The following USH2A variants were observed in gnomAD, a reference collection of about 807,000 sequenced individuals.
The protein encoded by USH2A is Usher syndrome 2A (autosomal recessive, mild).
In USH2A, 443 loss-of-function variants were observed where a neutral mutation model predicts 538.9. That is an observed-to-expected ratio of 0.82 (90% confidence interval 0.76 to 0.89). USH2A has a LOEUF of 0.89. USH2A is among the 40% of genes least tolerant of loss of function. USH2A has a pLI of 0.00. For missense variants in USH2A, 6,633 were observed against 6,324.8 expected, an observed-to-expected ratio of 1.05 and a Z score of -1.65; for synonymous variants, 2,413 against 2,273.5, an observed-to-expected ratio of 1.06 and a Z score of -1.75.
intron 19 of USH2A, among the ~76,000 whole-genome samples, chr1:216,193,072 A>T (rs1411801491): frequency 6.6e-6 from 1 of 152,072 alleles, no homozygotes; most frequent in Non-Finnish European, 1.5e-5. Flanking sequence ...TTCTCACCTT[A>T]TTTTTTTCTT....
rs184894348 is a variant in USH2A at position 215,844,719 on chromosome 1, T to C, written c.9056-223A>G. On this transcript the variant is annotated intron_variant, in intron 45 of 71. Coordinates refer to ENST00000307340, the MANE Select transcript of USH2A (RefSeq NM_206933.4). ...AAAATGCTTTATACCACCAGCATAG[T>C]GCTAATCTTCAATACTATGTGACCA... Among the ~76,000 whole-genome samples the C allele has an allele frequency of 4.6e-5, 7 of 152,300 alleles. No homozygotes were observed. In the East Asian group the frequency reaches 1.4e-3, roughly 29 times the overall value.
At chr1:215,965,608 A>G (rs1667322716) in intron 36 of USH2A, 129 bp from the exon 37 acceptor site, 1 of 1,051,428 alleles carries the variant, frequency 9.5e-7, no homozygotes, top group East Asian at 2.6e-5. Context: ...TCTTGTATGA[A>G]TACCTCATTT....
At chr1:215,934,513 G>C in intron 38 of USH2A, 103 bp downstream of exon 38, 1 of 1,234,892 alleles carries the variant, frequency 8.1e-7, no homozygotes, top group Admixed American at 2.1e-5. Context: ...GAGCCTCTAA[G>C]TTCTAAAATA....
intron 55 of USH2A, among the ~76,000 whole-genome samples, chr1:215,778,072 G>A (rs1435972053): frequency 7.0e-6 from 1 of 142,674 alleles, no homozygotes; most frequent in Non-Finnish European, 1.5e-5. Context: ...TTTTTTTTGA[G>A]ACAGAGTCTC....
At chr1:215,644,106 G>A in intron 67 of USH2A, among the ~76,000 whole-genome samples, 1 of 152,202 alleles carries the variant, frequency 6.6e-6, no homozygotes, top group East Asian at 1.9e-4. Flanking sequence ...GACAAAAAAT[G>A]CTGATTGAGC....
chr1:215,837,852 A>G, intron 47 of USH2A, 139 bp downstream of exon 47: 4 of 736,664 alleles, frequency 5.4e-6, no homozygotes, highest in African/African-American at 1.7e-5. Flanking sequence ...CTGTGAAATA[A>G]TATCAAAAAT....
At chr1:216,007,927 G>C (rs1008694580) in intron 32 of USH2A, among the ~76,000 whole-genome samples, 1 of 152,220 alleles carries the variant, frequency 6.6e-6, no homozygotes, top group African/African-American at 2.4e-5. Flanking sequence ...CACAGAGATA[G>C]AGACATACAT....
At chr1:215,896,499 A>G (rs1240658752) in intron 40 of USH2A, among the ~76,000 whole-genome samples, 4 of 152,196 alleles carry the variant, frequency 2.6e-5, no homozygotes, top group Non-Finnish European at 5.9e-5. Flanking sequence ...GGAATCCACA[A>G]TTTTAAGAAA....
chr1:216,089,048 G>A lies in USH2A; in HGVS notation c.4850C>T (p.Ala1617Val), dbSNP rs868179223. The change falls in exon 23 of 72, where the codon GCT becomes GTT. Residue 1617 changes from alanine (A) to valine (V), a missense_variant. Transcript: ENST00000307340. The stretch of plus-strand genomic sequence containing the variant: ...CCCATCCAGAGTGATTTGGCCAAAA[G>A]CCTGATGCCTAATAGCAATTATTTC... Reference protein sequence around the residue: ...WHEIIAIRHQAFGQITLDGIY... With the variant: ...WHEIIAIRHQVFGQITLDGIY... 12 of 1,613,344 alleles carry A rather than the reference G, an allele frequency of 7.4e-6. No homozygotes were observed. The African/African-American group carries it at 1.6e-4, about 22-fold the overall frequency.
chr1:215,804,315 A>T (rs936544359), intron 49 of USH2A, among the ~76,000 whole-genome samples: 29 of 152,162 alleles, frequency 1.9e-4, no homozygotes, highest in East Asian at 1.2e-3. Context: ...GCTTCTGCAC[A>T]GCAAAAAAAA....
At chr1:216,050,583 T>TCCTTTCCTTTCCTTTCCTTTCCTTTC (rs376056256) in intron 30 of USH2A, among the ~76,000 whole-genome samples, 2 of 35,846 alleles carry the variant, frequency 5.6e-5, no homozygotes, top group South Asian at 1.0e-3. Context: ...TTTCTTTCTT[T>TCCTTTCCTTTCCTTTCCTTTCCTTTC]CTTTCTTTCT....
intron 4 of USH2A, among the ~76,000 whole-genome samples, chr1:216,332,074 GC>G: frequency 6.6e-6 from 1 of 152,202 alleles, no homozygotes; most frequent in African/African-American, 2.4e-5. Context: ...CTCTCTGGAA[GC>G]CCTGAAAATG....
At chr1:215,806,660 T>TA (rs1214139150) in intron 49 of USH2A, among the ~76,000 whole-genome samples, 1 of 151,674 alleles carries the variant, frequency 6.6e-6, no homozygotes, top group African/African-American at 2.4e-5. Flanking sequence ...AACACCCCAT[T>TA]ATCCCCTGTA....
At chr1:215,808,749 TC>T (rs1662574471) in intron 49 of USH2A, among the ~76,000 whole-genome samples, 2 of 152,162 alleles carry the variant, frequency 1.3e-5, no homozygotes, top group Admixed American at 6.6e-5. Context: ...AATACTTTGT[TC>T]TTTTTTATTG....
chr1:216,386,860 G>GA (rs1005283647), intron 3 of USH2A, among the ~76,000 whole-genome samples: 4 of 151,982 alleles, frequency 2.6e-5, no homozygotes, highest in East Asian at 1.9e-4. Context: ...GTCTCAATGA[G>GA]AAAAAAATAA....
At chr1:215,661,613 C>A (rs756091526) in intron 64 of USH2A, among the ~76,000 whole-genome samples, 8 of 152,114 alleles carry the variant, frequency 5.3e-5, no homozygotes, top group Non-Finnish European at 1.0e-4. Flanking sequence ...TATTTTGAAC[C>A]ATTACATGGG....
At chr1:216,336,329 C>T (rs563760870) in intron 4 of USH2A, among the ~76,000 whole-genome samples, 2 of 151,150 alleles carry the variant, frequency 1.3e-5, no homozygotes, top group Admixed American at 1.3e-4. Context: ...TGCTTTTTCC[C>T]TAAGATCAGG....
At chr1:216,122,278 A>T (rs9726307) in intron 21 of USH2A, among the ~76,000 whole-genome samples, 21,266 of 152,148 alleles carry the variant, frequency 0.14, 1,643 homozygotes, top group Non-Finnish European at 0.17. Context: ...AGGACATAGG[A>T]GTAGCTAGTA....
At chr1:215,747,842 T>C (rs1321214926) in intron 58 of USH2A, among the ~76,000 whole-genome samples, 3 of 152,240 alleles carry the variant, frequency 2.0e-5, no homozygotes, top group Middle Eastern at 3.4e-3. Flanking sequence ...AAAAGGCTGT[T>C]GTTTGAAGCC....
Sources: allele counts gnomAD v4.1 joint callset (sites outside exome capture counted in the v4.1 genomes callset), GRCh38; gene constraint gnomAD v4.1.1; transcripts MANE v1.5; gene names NCBI Gene and HGNC (gene_info 2026-07-23, HGNC 2026-07-21).